The following GALNTL6 variants were observed in gnomAD, a reference collection of about 807,000 sequenced individuals.
GALNTL6 encodes the protein polypeptide N-acetylgalactosaminyltransferase like 6.
In GALNTL6, 46 loss-of-function variants were observed where a neutral mutation model predicts 73.7. The observed-to-expected ratio is 0.62, with a 90% CI of 0.49 to 0.80. The LOEUF is 0.80. Among genes scored for constraint, GALNTL6 ranks in the 30% least tolerant of loss-of-function variants. GALNTL6 has a pLI of 0.00. For synonymous variants in GALNTL6, 259 were observed against 263.7 expected (o/e 0.98, Z 0.17); for missense variants, 604 against 755.0 (o/e 0.80, Z 2.34).
chr4:172,513,477 G>A (rs944444439), intron 5 of GALNTL6, among the ~76,000 whole-genome samples: 1 of 152,076 alleles, frequency 6.6e-6, no homozygotes, highest in Non-Finnish European at 1.5e-5. Context: ...TGATCTTTTG[G>A]GGGTGTTAAA....
intron 2 of GALNTL6, among the ~76,000 whole-genome samples, chr4:172,120,013 A>G (rs1383951354): frequency 6.6e-6 from 1 of 152,146 alleles, no homozygotes; most frequent in Non-Finnish European, 1.5e-5. Context: ...AGACTAATAT[A>G]TGTAAAATTT....
At chr4:172,789,332 G>A (rs758303684) in intron 5 of GALNTL6, among the ~76,000 whole-genome samples, 5 of 152,172 alleles carry the variant, frequency 3.3e-5, no homozygotes, top group East Asian at 1.9e-4. Flanking sequence ...TGTCCAATCC[G>A]TGTCTCACAT....
chr4:172,143,014 T>C (rs55693865), intron 2 of GALNTL6, among the ~76,000 whole-genome samples: 3,165 of 152,098 alleles, frequency 0.021, 35 homozygotes, highest in Non-Finnish European at 0.031. Context: ...GATAGATAGA[T>C]AGACAGATAG....
chr4:171,972,107 T>C (rs1299710283), intron 2 of GALNTL6, among the ~76,000 whole-genome samples: 1 of 152,222 alleles, frequency 6.6e-6, no homozygotes, highest in African/African-American at 2.4e-5. Flanking sequence ...GTCATGTTTG[T>C]TAATATCCCG....
chr4:172,670,314 C>G (rs75186229), intron 5 of GALNTL6, among the ~76,000 whole-genome samples: 1 of 151,180 alleles, frequency 6.6e-6, no homozygotes, highest in Non-Finnish European at 1.5e-5. Flanking sequence ...ACCAGCATCT[C>G]TTTTTTTTTA....
rs2110979213 is a variant in GALNTL6 at position 172,807,268 on chromosome 4, TATACTCATATTTGTTAGTC to T, written c.554-2092_554-2074del. Among the ~76,000 whole-genome samples the T allele has an allele frequency of 1.3e-5, 2 of 152,334 alleles. 1 individual carries two copies. The highest frequency in any genetic ancestry group is 4.8e-5 in the African/African-American group (2 of 41,590). On this transcript the variant is annotated intron_variant, in intron 5 of 12. Transcript: ENST00000506823. ...GGTTGAGATAGCACAATACTGCTTA[TATACTCATATTTGTTAGTC>T]TGTGGCTTGCCACAACTTCTTCCTT...
intron 5 of GALNTL6, among the ~76,000 whole-genome samples, chr4:172,753,724 T>C (rs1321728966): frequency 6.6e-6 from 1 of 152,200 alleles, no homozygotes; most frequent in Non-Finnish European, 1.5e-5. Context: ...TAATTTGTCA[T>C]CAAAATAAAA....
intron 2 of GALNTL6, among the ~76,000 whole-genome samples, chr4:172,079,212 T>A (rs184616868): frequency 8.3e-6 from 1 of 120,710 alleles, no homozygotes; most frequent in Admixed American, 8.7e-5. Context: ...CTGAACAATA[T>A]GTCATAGGTT....
At chr4:172,712,989 T>C (rs975892540) in intron 5 of GALNTL6, among the ~76,000 whole-genome samples, 2 of 152,140 alleles carry the variant, frequency 1.3e-5, no homozygotes, top group Admixed American at 6.5e-5. Context: ...AAATATCTAT[T>C]AGACTGGGAA....
At chr4:172,571,815 C>T (rs903202574) in intron 5 of GALNTL6, among the ~76,000 whole-genome samples, 4 of 152,124 alleles carry the variant, frequency 2.6e-5, no homozygotes, top group African/African-American at 7.2e-5. Context: ...TTTTCATGGC[C>T]TATTTCTCCG....
chr4:172,404,663 A>G (rs753379795), intron 5 of GALNTL6, among the ~76,000 whole-genome samples: 3 of 152,028 alleles, frequency 2.0e-5, no homozygotes, highest in Non-Finnish European at 4.4e-5. Context: ...TCAGTGTTTT[A>G]ATTAGGCTTA....
At chr4:172,906,236 TA>T (rs546116552) in intron 8 of GALNTL6, among the ~76,000 whole-genome samples, 6 of 149,628 alleles carry the variant, frequency 4.0e-5, no homozygotes, top group Non-Finnish European at 5.9e-5. Context: ...AAGTGGCCAT[TA>T]AAAAAAAACA....
At chr4:172,774,657 A>G (rs1457377711) in intron 5 of GALNTL6, among the ~76,000 whole-genome samples, 1 of 152,040 alleles carries the variant, frequency 6.6e-6, no homozygotes, top group Non-Finnish European at 1.5e-5. Flanking sequence ...TTAGGGAGGT[A>G]TTTTTTTAAA....
At chr4:172,161,713 G>A (rs1185830145) in intron 2 of GALNTL6, among the ~76,000 whole-genome samples, 1 of 151,980 alleles carries the variant, frequency 6.6e-6, no homozygotes, top group African/African-American at 2.4e-5. Context: ...GACGGGTAAT[G>A]TAGGATGCCC....
intron 2 of GALNTL6, among the ~76,000 whole-genome samples, chr4:171,975,136 TA>T (rs923035084): frequency 3.3e-5 from 5 of 152,182 alleles, no homozygotes; most frequent in Non-Finnish European, 7.4e-5. Context: ...CTTTGCTAAG[TA>T]TTGGGCTTAA....
At chr4:172,821,875 G>A (rs978366143) in intron 7 of GALNTL6, among the ~76,000 whole-genome samples, 1 of 152,130 alleles carries the variant, frequency 6.6e-6, no homozygotes, top group African/African-American at 2.4e-5. Context: ...ATGTTCCAAA[G>A]CAAAGTTGTA....
At chr4:172,918,564 GCATGTTATCATATGCCCTGACTCCTCT>G (rs1223925630) in intron 8 of GALNTL6, among the ~76,000 whole-genome samples, 1 of 152,048 alleles carries the variant, frequency 6.6e-6, no homozygotes, top group African/African-American at 2.4e-5. Flanking sequence ...TCACAGACCT[GCATGTTATCATATGCCCTGACTCCTCT>G]CATGGAGGCC....
chr4:171,861,094 C>A (rs1735819037), intron 2 of GALNTL6, among the ~76,000 whole-genome samples: 1 of 152,152 alleles, frequency 6.6e-6, no homozygotes, highest in Non-Finnish European at 1.5e-5. Context: ...ACAAATTCCA[C>A]CCATTTCTGC....
At chr4:173,012,023 C>T (rs1387469857) in intron 11 of GALNTL6, among the ~76,000 whole-genome samples, 1 of 152,216 alleles carries the variant, frequency 6.6e-6, no homozygotes, top group African/African-American at 2.4e-5. Flanking sequence ...CTTGCCTCAG[C>T]AGCCTGAGTA....
Sources: allele counts gnomAD v4.1 joint callset (sites outside exome capture counted in the v4.1 genomes callset), GRCh38; gene constraint gnomAD v4.1.1; transcripts MANE v1.5; gene names NCBI Gene and HGNC (gene_info 2026-07-23, HGNC 2026-07-21).